Variants in FARS2 observed in about 807,000 individuals in gnomAD.
The protein encoded by FARS2 is phenylalanyl-tRNA synthetase 2, mitochondrial, also known as phenylalanine--tRNA ligase, mitochondrial.
FARS2 carries 40 observed loss-of-function variants against 46.4 expected under a neutral mutation model. The ratio of observed to expected loss-of-function variants is 0.86; its 90% CI spans 0.67 to 1.12. The LOEUF (loss-of-function observed/expected upper bound fraction) is 1.12. Ranked by LOEUF, FARS2 falls within the 50% of genes most tolerant of loss-of-function variation. The pLI, the probability that FARS2 is intolerant of heterozygous loss-of-function variation, is 0.00. For synonymous variants in FARS2, 234 were observed against 214.9 expected, an observed-to-expected ratio of 1.09 and a Z score of -0.78; for missense variants, 513 against 567.9, an observed-to-expected ratio of 0.90 and a Z score of 0.98.
chr6:5,472,464 G>A (rs942009174), intron 4 of FARS2, among the ~76,000 whole-genome samples: 3 of 152,148 alleles, frequency 2.0e-5, no homozygotes, highest in Admixed American at 1.3e-4. Flanking sequence ...AAAAGGAGCA[G>A]GAGAGAATAA....
intron 5 of FARS2, among the ~76,000 whole-genome samples, chr6:5,610,725 A>C (rs1180172954): frequency 6.6e-6 from 1 of 152,250 alleles, no homozygotes; most frequent in Non-Finnish European, 1.5e-5. Flanking sequence ...AAACATGAAT[A>C]ATATTGTACG....
chr6:5,282,133 A>G (rs941078881), intron 1 of FARS2, among the ~76,000 whole-genome samples: 2 of 152,248 alleles, frequency 1.3e-5, no homozygotes, highest in Non-Finnish European at 2.9e-5. Flanking sequence ...GTAGGGATTC[A>G]GATGGCTTTT....
At chr6:5,279,699 A>G (rs1766592725) in intron 1 of FARS2, among the ~76,000 whole-genome samples, 1 of 151,900 alleles carries the variant, frequency 6.6e-6, no homozygotes. Context: ...GAACCAGGAG[A>G]GTGGATGGTG....
At chr6:5,277,437 A>G (rs1470292509) in intron 1 of FARS2, among the ~76,000 whole-genome samples, 1 of 152,200 alleles carries the variant, frequency 6.6e-6, no homozygotes, top group Non-Finnish European at 1.5e-5. Context: ...GTGGTTGCAG[A>G]TACATTTTTT....
intron 5 of FARS2, among the ~76,000 whole-genome samples, chr6:5,550,651 A>T (rs1771318053): frequency 6.6e-6 from 1 of 152,184 alleles, no homozygotes; most frequent in African/African-American, 2.4e-5. Context: ...TGGGGAGTCA[A>T]ATAGCCTTCT....
chr6:5,323,841 T>C (rs1007666509), intron 1 of FARS2, among the ~76,000 whole-genome samples: 1 of 152,228 alleles, frequency 6.6e-6, no homozygotes, highest in African/African-American at 2.4e-5. Flanking sequence ...ATCACCCTAA[T>C]GGCTAAGGTC....
upstream of FARS2, chr6:5,260,627 C>CCCCGGTG (rs1765018175): frequency 6.5e-7 from 1 of 1,528,948 alleles, no homozygotes; most frequent in Non-Finnish European, 8.7e-7. Context: ...CGCCCCCGGC[C>CCCCGGTG]CCCGGTGCCC....
intron 4 of FARS2, among the ~76,000 whole-genome samples, chr6:5,434,620 T>A (rs1410985230): frequency 6.6e-6 from 1 of 152,188 alleles, no homozygotes; most frequent in Non-Finnish European, 1.5e-5. Flanking sequence ...CCACAGACAT[T>A]TGTAAGTGCA....
At position 5,466,529 on chromosome 6, in the gene FARS2, T is replaced by C. The variant is rs115667999; in HGVS notation, c.904+35357T>C. On this transcript the variant is annotated intron_variant, in intron 4 of 6. Transcript: ENST00000274680. ...TAAGGAAATATGTTGTATACCTCAT[T>C]GGAAGTTTTGTTTGTTTGTTATTCC... 2.0e-3 allele frequency: 1,979 copies of C among 985,064 alleles called. 19 individuals carry two copies. The African/African-American group carries it at 0.032, about 16-fold the overall frequency. 61.0% of individuals were successfully genotyped at this position (985,064 alleles called of 1,614,324 possible). A position where few individuals can be genotyped will look rare whatever the true frequency, so the allele number is the denominator to read the frequency against.
intron 6 of FARS2, among the ~76,000 whole-genome samples, chr6:5,658,312 A>G (rs1777697152): frequency 6.6e-6 from 1 of 152,148 alleles, no homozygotes; most frequent in South Asian, 2.1e-4. Flanking sequence ...TAATTGCTCA[A>G]TATACATTGG....
At chr6:5,404,464 C>A in intron 2 of FARS2, 78 bp from the exon 3 acceptor site, 1 of 959,522 alleles carries the variant, frequency 1.0e-6, no homozygotes, top group Non-Finnish European at 1.5e-6. Flanking sequence ...TCAAAAGATT[C>A]TTAGCAGAAT....
chr6:5,766,803 CT>C (rs1762774987), intron 6 of FARS2, among the ~76,000 whole-genome samples: 1 of 152,126 alleles, frequency 6.6e-6, no homozygotes, highest in African/African-American at 2.4e-5. Flanking sequence ...AACCATATCC[CT>C]ATGAAGCAGT....
intron 5 of FARS2, among the ~76,000 whole-genome samples, chr6:5,580,287 C>T (rs1228063936): frequency 2.9e-5 from 1 of 34,976 alleles, no homozygotes; most frequent in Non-Finnish European, 5.2e-5. Flanking sequence ...AAGACTCCGT[C>T]TCAAAAAAAA....
At position 5,764,405 on chromosome 6, in the gene FARS2, A is replaced by G. The variant is rs1762644596; in HGVS notation, c.1218-6886A>G. On this transcript the variant is annotated intron_variant, in intron 6 of 6. Transcript: ENST00000274680. The surrounding 1 kb of genome is among the most constrained non-coding windows in gnomAD (Gnocchi z 4.1). ...GTGCCTCTTGCCCGAGTCCAGCCCT[A>G]CCCACTAAAGCATTGCACGTATTGA... Among the ~76,000 whole-genome samples the G allele has an allele frequency of 1.3e-5, 2 of 151,998 alleles. No homozygotes were observed. Among genetic ancestry groups the G allele is most frequent in the African/African-American group, 4.8e-5 (2 of 41,458 alleles).
chr6:5,395,928 A>AGATGTTTTT (rs1760873006), intron 2 of FARS2, among the ~76,000 whole-genome samples: 2 of 152,236 alleles, frequency 1.3e-5, no homozygotes, highest in African/African-American at 4.8e-5. Flanking sequence ...TAGTGGTGAT[A>AGATGTTTTT]AATGTTTTTA....
intron 1 of FARS2, among the ~76,000 whole-genome samples, chr6:5,315,458 T>C (rs565024698): frequency 6.6e-6 from 1 of 152,204 alleles, no homozygotes; most frequent in Non-Finnish European, 1.5e-5. Flanking sequence ...AGTCATAAAC[T>C]GTAATGAAAT....
intron 5 of FARS2, among the ~76,000 whole-genome samples, chr6:5,567,641 A>G (rs1300284929): frequency 1.3e-5 from 2 of 152,228 alleles, no homozygotes; most frequent in African/African-American, 4.8e-5. Context: ...TAAGATTCCT[A>G]AGGTTCAGAC....
At chr6:5,340,922 C>T (rs1028548048) in intron 1 of FARS2, among the ~76,000 whole-genome samples, 1 of 151,406 alleles carries the variant, frequency 6.6e-6, no homozygotes, top group African/African-American at 2.4e-5. Flanking sequence ...CCGAGGCGGG[C>T]GGATCACAAG....
chr6:5,620,148 A>G (rs539815052), intron 6 of FARS2, among the ~76,000 whole-genome samples: 1 of 152,054 alleles, frequency 6.6e-6, no homozygotes, highest in African/African-American at 2.4e-5. Context: ...GATGTTTAGC[A>G]GAATCCCCGG....
Sources: allele counts gnomAD v4.1 joint callset (sites outside exome capture counted in the v4.1 genomes callset), GRCh38; gene constraint gnomAD v4.1.1; non-coding constraint Gnocchi (gnomAD v3.1); transcripts MANE v1.5; gene names NCBI Gene and HGNC (gene_info 2026-07-23, HGNC 2026-07-21).